ATP5F1B: variants seen among roughly 807,000 people sequenced by gnomAD.
ATP5F1B encodes ATP synthase F1 subunit beta.
In ATP5F1B, 17 loss-of-function variants were observed where a neutral mutation model predicts 45.9. That is an observed-to-expected ratio of 0.37 (90% CI 0.25 to 0.56). The LOEUF (loss-of-function observed/expected upper bound fraction) is 0.56. Among genes scored for constraint, ATP5F1B ranks in the 20% least tolerant of loss-of-function variants. ATP5F1B has a pLI of 0.80. For synonymous variants in ATP5F1B, 218 were observed against 256.5 expected, an observed-to-expected ratio of 0.85 and a Z score of 1.43; for missense variants, 387 against 673.2, an observed-to-expected ratio of 0.57 and a Z score of 4.70.
Position 56,643,495 on chromosome 12 carries a change from C to A in ATP5F1B, c.700G>T (p.Ala234Ser). 6.2e-7 allele frequency: 1 copy of A among 1,614,138 alleles called. No individual in the cohort carries two copies. The change falls in exon 5 of 10, where the codon GCT becomes TCT. Residue 234 changes from alanine to serine, a missense_variant. Coordinates refer to ENST00000262030, the MANE Select transcript of ATP5F1B (RefSeq NM_001686.4). ...AKAHGGYSVF[A>S]GVGERTREGN... is the part of the protein sequence containing the mutation. ...TCACGGGTCCTCTCACCAACACCAG[C>A]AAACACAGAGTAACCACCATGGGCT...
chr12:56,644,007 A>G, intron 3 of ATP5F1B, 49 bp from the exon 4 acceptor site: 1 of 1,597,332 alleles, frequency 6.3e-7, no homozygotes, highest in Middle Eastern at 1.7e-4. Flanking sequence ...GTTGAAAGCA[A>G]ATGATAATCT....
intron 3 of ATP5F1B, 99 bp from the exon 4 acceptor site, chr12:56,644,057 A>G: frequency 7.3e-7 from 1 of 1,372,842 alleles, no homozygotes; most frequent in East Asian, 2.4e-5. Flanking sequence ...CCATCCCTTT[A>G]CCTGAGGAAC....
chr12:56,639,450 T>A, intron 8 of ATP5F1B, 143 bp from the exon 9 acceptor site: 2 of 750,580 alleles, frequency 2.7e-6, no homozygotes, highest in South Asian at 3.4e-5. Context: ...TGTCTTGTTC[T>A]CCATAGTCCT....
chr12:56,642,051 C>T (rs1951516055), intron 7 of ATP5F1B, among the ~76,000 whole-genome samples: 1 of 151,800 alleles, frequency 6.6e-6, no homozygotes, highest in Admixed American at 6.6e-5. Context: ...GGCTGGAGTG[C>T]AGTGCCCCAA....
In ATP5F1B at chr12:56,644,677, G is replaced by A. The variant is rs1951537353; in HGVS notation, c.485+104C>T. 11 of 1,228,276 alleles carry A rather than the reference G, an allele frequency of 9.0e-6. No individual in the cohort carries two copies. The South Asian group carries it at 9.6e-5, about 11-fold the overall frequency. 76.1% of individuals were successfully genotyped at this position (1,228,276 alleles called of 1,614,324 possible). ...CACTGTGTGATTTTAATAATCGAACGTATCAGAAGAAAAATTCTGCTTTAG... is the reference window on the plus strand; with the variant it reads ...CACTGTGTGATTTTAATAATCGAACATATCAGAAGAAAAATTCTGCTTTAG... On this transcript the variant is annotated intron_variant, in intron 3 of 9. Coordinates refer to ENST00000262030, the MANE Select transcript of ATP5F1B (RefSeq NM_001686.4).
chr12:56,642,983 T>C (rs775213376), intron 5 of ATP5F1B, 152 bp from the exon 6 acceptor site: 20 of 785,394 alleles, frequency 2.5e-5, no homozygotes, highest in African/African-American at 5.3e-5. Context: ...AGAGATGCAG[T>C]TCAAAAAAAA....
chr12:56,645,751 C>G, intron 1 of ATP5F1B, 86 bp downstream of exon 1: 20 of 1,555,172 alleles, frequency 1.3e-5, no homozygotes, highest in Non-Finnish European at 1.7e-5. Flanking sequence ...CACCACGGAT[C>G]CCTTAGGCCC....
chr12:56,645,385 G>T (rs750079468), intron 1 of ATP5F1B, 32 bp from the exon 2 acceptor site: 57 of 1,597,146 alleles, frequency 3.6e-5, no homozygotes, highest in Middle Eastern at 3.3e-4. Context: ...AAGGAGCTGG[G>T]GTCAGGCCAG....
At position 56,639,179 on chromosome 12, in the gene ATP5F1B, C is replaced by G; in HGVS notation, c.1416G>C (p.Glu472Asp). 1.2e-6 allele frequency: 2 copies of G among 1,613,898 alleles called. No homozygotes were observed. The highest frequency in any genetic ancestry group is 1.7e-6 in the Non-Finnish European group (2 of 1,179,848). The change falls in exon 9 of 10, where the codon GAG (glutamate) becomes GAC (aspartate). Residue 472 changes from glutamate (E) to aspartate (D), a missense_variant. Coordinates refer to ENST00000262030, the MANE Select transcript of ATP5F1B (RefSeq NM_001686.4). ...RFLSQPFQVA[E>D]VFTGHMGKLV... ...GCTTCCCCATATGACCTGTGAAGACCTCAGCAACCTGGAATGGCTGAGACA... is the reference window on the plus strand; with the variant it reads ...GCTTCCCCATATGACCTGTGAAGACGTCAGCAACCTGGAATGGCTGAGACA...
At position 56,638,242 on chromosome 12, in the gene ATP5F1B, G is replaced by T. The variant is rs1951485252; in HGVS notation, c.*81C>A. ...CAGAAAGAATATATCTTCAATCAAG[G>T]CTCTTGTGCAGCCTACACAGAAAAA... On this transcript the variant is annotated 3_prime_UTR_variant, in exon 10 of 10. Transcript: ENST00000262030. The T allele has an allele frequency of 8.7e-7, 1 of 1,153,588 alleles. No individual in the cohort carries two copies. The allele number at this position is 1,153,588 out of a possible 1,614,324, so 71.5% of individuals were successfully genotyped here. A position where few individuals can be genotyped will look rare whatever the true frequency, so the allele number is the denominator to read the frequency against.
intron 8 of ATP5F1B, 188 bp from the exon 9 acceptor site, chr12:56,639,495 C>CGGGCGCAGTGGCTCACGTCTGT: frequency 3.2e-6 from 2 of 617,510 alleles, no homozygotes; most frequent in Admixed American, 2.8e-5. Context: ...TGCATTCCGC[C>CGGGCGCAGTGGCTCACGTCTGT]GGGCGCAGTG....
intron 1 of ATP5F1B, 67 bp downstream of exon 1, chr12:56,645,770 A>C: frequency 6.3e-7 from 1 of 1,576,722 alleles, no homozygotes; most frequent in South Asian, 1.2e-5. Flanking sequence ...CCGAGCTACC[A>C]TCGTTCCCCG....
chr12:56,644,098 T>G (rs1338016479), intron 3 of ATP5F1B, 140 bp from the exon 4 acceptor site: 2 of 935,260 alleles, frequency 2.1e-6, no homozygotes, highest in Non-Finnish European at 3.1e-6. Context: ...CTTACATAAA[T>G]CAGATAAACT....
In ATP5F1B at chr12:56,642,524, G is replaced by A. The variant is rs1951519857; in HGVS notation, c.1008C>T (p.Ala336=). Residue 336 remains alanine (A), a synonymous_variant, in exon 7 of 10, where the codon GCC becomes GCT. Transcript: ENST00000262030. ...TTTCCTGCATAGTACCCATGTCAGT[G>A]GCCAGGGTAGGCTGATAGCCCACAG... The part of the protein sequence containing the change: ...PSAVGYQPTL[A]TDMGTMQERI... 4 of 1,614,108 alleles carry A rather than the reference G, an allele frequency of 2.5e-6. No homozygotes were observed. Among genetic ancestry groups the A allele is most frequent in the Non-Finnish European group, 3.4e-6 (4 of 1,180,038 alleles).
chr12:56,641,871 G>A (rs1951514567), intron 7 of ATP5F1B, among the ~76,000 whole-genome samples: 2 of 152,028 alleles, frequency 1.3e-5, no homozygotes, highest in Non-Finnish European at 2.9e-5. Context: ...GGAATTACAA[G>A]TGTGAGCCAC....
In ATP5F1B at chr12:56,638,263, A is replaced by G. The variant is rs1951485401; in HGVS notation, c.*60T>C. 1 of 1,442,676 alleles carries G rather than the reference A, an allele frequency of 6.9e-7. No individual in the cohort carries two copies. Among genetic ancestry groups the G allele is most frequent in the Admixed American group, 1.8e-5 (1 of 54,938 alleles). The allele number at this position is 1,442,676 out of a possible 1,614,324, so 89.4% of individuals were successfully genotyped here. On this transcript the variant is annotated 3_prime_UTR_variant, in exon 10 of 10. Coordinates refer to ENST00000262030, the MANE Select transcript of ATP5F1B (RefSeq NM_001686.4). ...CAAGGCTCTTGTGCAGCCTACACAG[A>G]AAAATGAAGCTTTTTGGGTTAGGGG...
intron 5 of ATP5F1B, chr12:56,643,198 G>C (rs1951524753): frequency 2.0e-6 from 1 of 509,054 alleles, no homozygotes; most frequent in Admixed American, 3.6e-5. Context: ...TATCAAAGAG[G>C]AAAGAAAATG....
At chr12:56,641,889 A>C (rs2137545010) in intron 7 of ATP5F1B, among the ~76,000 whole-genome samples, 1 of 152,226 alleles carries the variant, frequency 6.6e-6, no homozygotes, top group East Asian at 1.9e-4. Context: ...CACTGCACTC[A>C]GCCCTAATAC....
At chr12:56,645,017 G>T in intron 2 of ATP5F1B, 62 bp from the exon 3 acceptor site, 2 of 1,611,138 alleles carry the variant, frequency 1.2e-6, no homozygotes, top group South Asian at 1.1e-5. Context: ...GACCTAAATC[G>T]ACCAAGACTC....
Sources: allele counts gnomAD v4.1 joint callset (sites outside exome capture counted in the v4.1 genomes callset), GRCh38; gene constraint gnomAD v4.1.1; transcripts MANE v1.5; gene names NCBI Gene and HGNC (gene_info 2026-07-23, HGNC 2026-07-21).